Variants in GAP43 observed in about 807,000 individuals in gnomAD.
GAP43 encodes growth associated protein 43, also known as neuromodulin.
A neutral mutation model predicts 18.6 loss-of-function variants in GAP43; 6 were observed. That is an observed-to-expected ratio of 0.32 (90% CI 0.18 to 0.64). The LOEUF is 0.64. Ranked by LOEUF, GAP43 falls within the 30% of genes least tolerant of loss-of-function variation. The pLI is 0.78. For missense variants in GAP43, 292 were observed against 295.5 expected (o/e 0.99, Z 0.09); for synonymous variants, 115 against 111.4 (o/e 1.03, Z -0.20).
intron 1 of GAP43, among the ~76,000 whole-genome samples, chr3:115,625,739 A>G (rs1708179409): frequency 6.6e-6 from 1 of 152,176 alleles, no homozygotes; most frequent in Non-Finnish European, 1.5e-5. Flanking sequence ...TCTCACCAAC[A>G]GCCCCAAGCA....
chr3:115,716,205 T>C (rs2107379643), intron 2 of GAP43, among the ~76,000 whole-genome samples: 1 of 152,328 alleles, frequency 6.6e-6, no homozygotes, highest in Middle Eastern at 3.4e-3. Flanking sequence ...GTCGACATTA[T>C]TTATCACTGC....
chr3:115,648,455 G>A (rs1708484563), intron 1 of GAP43, among the ~76,000 whole-genome samples: 1 of 152,032 alleles, frequency 6.6e-6, no homozygotes, highest in Admixed American at 6.6e-5. Context: ...TATGATGTGT[G>A]GAGAAATAAA....
chr3:115,676,425 C>T lies in GAP43; in HGVS notation c.443C>T (p.Thr148Ile). 1 of 1,614,022 alleles carries T rather than the reference C, an allele frequency of 6.2e-7. No homozygotes were observed. The change falls in exon 2 of 3, where the codon ACT (threonine) becomes ATT (isoleucine). Residue 148 changes from threonine to isoleucine, a missense_variant. By Grantham distance (89) the Thr-to-Ile change is moderately conservative. Coordinates refer to ENST00000305124, the MANE Select transcript of GAP43 (RefSeq NM_002045.4). Reference protein sequence around the residue: ...AETESATKASTDNSPSSKAED... With the variant: ...AETESATKASIDNSPSSKAED... Reference sequence around the variant, plus strand: ...ACAGAAAGTGCCACTAAAGCTTCCACTGATAACTCGCCGTCCTCCAAGGCT... The same window carrying T: ...ACAGAAAGTGCCACTAAAGCTTCCATTGATAACTCGCCGTCCTCCAAGGCT...
intron 1 of GAP43, among the ~76,000 whole-genome samples, chr3:115,650,457 C>T (rs1381708550): frequency 1.3e-5 from 2 of 152,124 alleles, no homozygotes; most frequent in African/African-American, 2.4e-5. Flanking sequence ...GAGTTTATTT[C>T]GGGTAGCCAT....
chr3:115,623,590 G>T lies in GAP43; in HGVS notation c.-100G>T, dbSNP rs983605420. On this transcript the variant is annotated 5_prime_UTR_variant, in exon 1 of 3. Coordinates refer to ENST00000305124, the MANE Select transcript of GAP43 (RefSeq NM_002045.4). ...AGAGAGCGCGCTAGCGCGAGAGAGCGAGTGAGCAAGCGAGCAGAAAAGAGG... is the reference window on the plus strand; with the variant it reads ...AGAGAGCGCGCTAGCGCGAGAGAGCTAGTGAGCAAGCGAGCAGAAAAGAGG... 28 of 1,482,954 alleles carry T rather than the reference G, an allele frequency of 1.9e-5. No individual in the cohort carries two copies. The Admixed American group carries it at 1.9e-4, about 10-fold the overall frequency. 91.9% of individuals were successfully genotyped at this position (1,482,954 alleles called of 1,614,324 possible).
chr3:115,703,235 A>G (rs1401174286), intron 2 of GAP43, among the ~76,000 whole-genome samples: 1 of 152,158 alleles, frequency 6.6e-6, no homozygotes, highest in Admixed American at 6.5e-5. Context: ...TGAGGAAAAG[A>G]TGGCACAATT....
At chr3:115,692,492 C>A (rs535061163) in intron 2 of GAP43, among the ~76,000 whole-genome samples, 1 of 152,240 alleles carries the variant, frequency 6.6e-6, no homozygotes, top group South Asian at 2.1e-4. Context: ...AGACTCAGTA[C>A]CAGTATAGAA....
intron 2 of GAP43, among the ~76,000 whole-genome samples, chr3:115,695,984 C>G (rs1225180489): frequency 6.6e-6 from 1 of 152,066 alleles, no homozygotes; most frequent in Non-Finnish European, 1.5e-5. Flanking sequence ...TCTTTATTTC[C>G]CTGATTTGAA....
intron 2 of GAP43, among the ~76,000 whole-genome samples, chr3:115,689,416 A>G (rs1709075956): frequency 6.6e-6 from 1 of 152,166 alleles, no homozygotes; most frequent in African/African-American, 2.4e-5. Context: ...GATTGCACCT[A>G]TGGAGAGATT....
intron 1 of GAP43, among the ~76,000 whole-genome samples, chr3:115,660,721 T>G (rs973357944): frequency 6.6e-6 from 1 of 152,228 alleles, no homozygotes; most frequent in African/African-American, 2.4e-5. Context: ...GCAAAAGATT[T>G]GTTAAAATGG....
At chr3:115,670,980 A>T (rs572223662) in intron 1 of GAP43, among the ~76,000 whole-genome samples, 36 of 152,334 alleles carry the variant, frequency 2.4e-4, no homozygotes, top group Non-Finnish European at 2.4e-4. Context: ...ACTATTTTTT[A>T]AAAATTTAAG....
chr3:115,696,053 TTCTCTC>T (rs1192341422), intron 2 of GAP43, among the ~76,000 whole-genome samples: 1 of 151,506 alleles, frequency 6.6e-6, no homozygotes, highest in Non-Finnish European at 1.5e-5. Context: ...CTCTTCTACA[TTCTCTC>T]TCTCTCTCTT....
intron 1 of GAP43, among the ~76,000 whole-genome samples, chr3:115,643,764 CAA>C (rs1292239130): frequency 6.6e-6 from 1 of 151,966 alleles, no homozygotes; most frequent in African/African-American, 2.4e-5. Context: ...TGTATCTACT[CAA>C]GATACTTATT....
intron 2 of GAP43, among the ~76,000 whole-genome samples, chr3:115,677,349 A>G (rs1708905954): frequency 6.6e-6 from 1 of 152,234 alleles, no homozygotes; most frequent in African/African-American, 2.4e-5. Flanking sequence ...TTTCTACAAT[A>G]TGCATAAATA....
intron 1 of GAP43, among the ~76,000 whole-genome samples, chr3:115,637,909 T>C (rs892656359): frequency 2.0e-5 from 3 of 152,096 alleles, no homozygotes; most frequent in Non-Finnish European, 4.4e-5. Flanking sequence ...CTGGTTTCTA[T>C]AAGTAAAAAC....
At chr3:115,706,298 C>G (rs731653) in intron 2 of GAP43, among the ~76,000 whole-genome samples, 26,495 of 152,010 alleles carry the variant, frequency 0.17, 2,585 homozygotes, top group South Asian at 0.27. Context: ...TATGATTAAA[C>G]AAGGGAATTT....
At chr3:115,684,050 A>G (rs1709000976) in intron 2 of GAP43, among the ~76,000 whole-genome samples, 1 of 152,212 alleles carries the variant, frequency 6.6e-6, no homozygotes, top group African/African-American at 2.4e-5. Flanking sequence ...CAGTTTGATC[A>G]TCTCACACCA....
intron 1 of GAP43, among the ~76,000 whole-genome samples, chr3:115,652,443 T>G (rs1559792503): frequency 1.4e-5 from 2 of 139,134 alleles, no homozygotes; most frequent in Non-Finnish European, 1.5e-5. Flanking sequence ...AGTGCAGTGG[T>G]GGCACCATCA....
At chr3:115,663,681 G>A in intron 1 of GAP43, 1 of 1,479,964 alleles carries the variant, frequency 6.8e-7, no homozygotes, top group Non-Finnish European at 9.0e-7. Context: ...CTTTTCTATT[G>A]TAAAGAGATC....
Sources: allele counts gnomAD v4.1 joint callset (sites outside exome capture counted in the v4.1 genomes callset), GRCh38; gene constraint gnomAD v4.1.1; transcripts MANE v1.5; gene names NCBI Gene and HGNC (gene_info 2026-07-23, HGNC 2026-07-21).